HDC: variants seen among roughly 807,000 people sequenced by gnomAD.
HDC encodes histidine decarboxylase.
In HDC, 27 loss-of-function variants were observed where a neutral mutation model predicts 64.4. That is an observed-to-expected ratio of 0.42 (90% CI 0.31 to 0.58). HDC has a LOEUF of 0.58. Among genes scored for constraint, HDC ranks in the 20% least tolerant of loss-of-function variants. HDC has a pLI of 0.16. For synonymous variants in HDC, 305 were observed against 314.2 expected (o/e 0.97, Z 0.31); for missense variants, 711 against 833.9 (o/e 0.85, Z 1.81).
intron 1 of HDC, among the ~76,000 whole-genome samples, chr15:50,265,267 A>G (rs1223878641): frequency 6.6e-6 from 1 of 152,208 alleles, no homozygotes; most frequent in East Asian, 1.9e-4. Context: ...ATTTCAGAAT[A>G]TGAACAATCC....
intron 2 of HDC, 140 bp from the exon 3 acceptor site, chr15:50,258,657 C>T: frequency 2.9e-6 from 2 of 691,136 alleles, no homozygotes; most frequent in Non-Finnish European, 2.7e-6. Context: ...TGACATAACT[C>T]CATGAAAATC....
intron 2 of HDC, among the ~76,000 whole-genome samples, chr15:50,261,623 CAAAAAAAAA>C (rs11418562): frequency 5.3e-5 from 5 of 95,060 alleles, no homozygotes; most frequent in African/African-American, 1.3e-4. Flanking sequence ...TCTATTGCTT[CAAAAAAAAA>C]AAAAAAAAAA....
At chr15:50,246,393 G>A (rs1257430798) in intron 10 of HDC, among the ~76,000 whole-genome samples, 1 of 152,166 alleles carries the variant, frequency 6.6e-6, no homozygotes, top group African/African-American at 2.4e-5. Context: ...TGTTTGAGTA[G>A]GTGATCACAG....
At chr15:50,263,467 C>T (rs2045731440) in intron 1 of HDC, 60 bp from the exon 2 acceptor site, 1 of 1,529,982 alleles carries the variant, frequency 6.5e-7, no homozygotes. Context: ...CCGATTTGTG[C>T]CCATCCCTCT....
At chr15:50,253,263 A>G in intron 7 of HDC, 1 of 403,958 alleles carries the variant, frequency 2.5e-6, no homozygotes, top group Admixed American at 3.6e-5. Flanking sequence ...AAGCATTTCT[A>G]TTCTAGCCTA....
chr15:50,257,607 A>G, intron 3 of HDC, 60 bp from the exon 4 acceptor site: 10 of 1,601,354 alleles, frequency 6.2e-6, no homozygotes, highest in Non-Finnish European at 8.5e-6. Flanking sequence ...TGCCCCCACG[A>G]GCTCCAGAAA....
At chr15:50,254,399 T>C in intron 5 of HDC, 126 bp from the exon 6 acceptor site, 2 of 1,527,014 alleles carry the variant, frequency 1.3e-6, no homozygotes, top group African/African-American at 1.4e-5. Flanking sequence ...CTACAGTTGC[T>C]GGAGACAAGC....
rs767123095 is a variant in HDC, at chr15:50,242,239, C to T, written c.*21G>A. The T allele has an allele frequency of 1.2e-6, 2 of 1,607,322 alleles. No individual in the cohort carries two copies. The highest frequency in any genetic ancestry group is 8.5e-7 in the Non-Finnish European group (1 of 1,173,880). ...AGAGTCCCTGAAGTATATCCTCAGA[C>T]TCTGGCTGAAGGCCCTGTGTCTAAA... On this transcript the variant is annotated 3_prime_UTR_variant, in exon 12 of 12. Coordinates refer to ENST00000267845, the MANE Select transcript of HDC (RefSeq NM_002112.4).
chr15:50,264,915 A>G (rs185703375), intron 1 of HDC, among the ~76,000 whole-genome samples: 5 of 152,370 alleles, frequency 3.3e-5, no homozygotes, highest in African/African-American at 9.6e-5. Flanking sequence ...CACTCAGAAG[A>G]TAAATATCCA....
At position 50,254,211 on chromosome 15, in the gene HDC, C is replaced by G; in HGVS notation, c.639G>C (p.Val213=). The change falls in exon 6 of 12, where the codon GTG becomes GTC. Residue 213 remains valine, a synonymous_variant. Coordinates refer to ENST00000267845, the MANE Select transcript of HDC (RefSeq NM_002112.4). ...ISLVKMKFLP[V]DDNFSLRGEA... ...CCCCTCGGAGTGAGAAGTTGTCATC[C>G]ACAGGCAGAAATTTCATCTTCACAA... is the stretch of plus-strand genomic sequence containing the variant. The G allele has an allele frequency of 6.2e-7, 1 of 1,614,182 alleles. No individual in the cohort carries two copies.
At position 50,261,623 on chromosome 15, in the gene HDC, CA is replaced by C. The variant is rs11418562; in HGVS notation, c.204+1611del. On this transcript the variant is annotated intron_variant, in intron 2 of 11. Coordinates refer to ENST00000267845, the MANE Select transcript of HDC (RefSeq NM_002112.4). ...TAGCAAGACCTTGTCTCTATTGCTT[CA>C]AAAAAAAAAAAAAAAAAAAGTCAAA... is the stretch of plus-strand genomic sequence containing the variant. 3.8e-3 allele frequency among the ~76,000 whole-genome samples: 361 copies of C among 95,054 alleles called. 1 individual carries two copies. Among genetic ancestry groups the C allele is most frequent in the Middle Eastern group, 0.02 (3 of 152 alleles). The allele number at this position is 95,054 out of a possible 152,430, so 62.4% of individuals were successfully genotyped here.
intron 4 of HDC, among the ~76,000 whole-genome samples, chr15:50,256,490 G>A (rs958745458): frequency 5.9e-5 from 9 of 152,218 alleles, no homozygotes; most frequent in African/African-American, 2.2e-4. Flanking sequence ...CTGGGCTCAA[G>A]CAATCCTCCT....
At position 50,242,651 on chromosome 15, in the gene HDC, G is replaced by A. The variant is rs1434866027; in HGVS notation, c.1598C>T (p.Pro533Leu). 1 of 1,614,012 alleles carries A rather than the reference G, an allele frequency of 6.2e-7. No individual in the cohort carries two copies. Among genetic ancestry groups the A allele is most frequent in the Non-Finnish European group, 8.5e-7 (1 of 1,180,036 alleles). Reference sequence around the variant, plus strand: ...ATGGAGGCCATTTTCCCTTTTCATGGGACCGGCTCCCACACGCTGAGGCTG... The same window carrying A: ...ATGGAGGCCATTTTCCCTTTTCATGAGACCGGCTCCCACACGCTGAGGCTG... ...IKQPQRVGAG[P>L]MKRENGLHLE... Residue 533 changes from proline (P) to leucine (L), a missense_variant, in exon 12 of 12, where the codon CCC becomes CTC. By Grantham distance (98) the Pro-to-Leu change is moderately conservative. This residue lies in a region of HDC where 483 missense variants were observed against 540.9 expected (regional missense o/e 0.89). Transcript: ENST00000267845.
intron 9 of HDC, among the ~76,000 whole-genome samples, chr15:50,250,481 T>C (rs1300298722): frequency 6.6e-6 from 1 of 152,188 alleles, no homozygotes. Flanking sequence ...CTAACATTTT[T>C]ATGAGTTATC....
chr15:50,242,860 G>A lies in HDC; in HGVS notation c.1389C>T (p.Asp463=). Residue 463 remains aspartate, a synonymous_variant, in exon 12 of 12, where the codon GAC becomes GAT. Coordinates refer to ENST00000267845, the MANE Select transcript of HDC (RefSeq NM_002112.4). ...TGGCAGCATCTCGAATGAGATTCCAGTCTCTCAGGATGTCATCCCTAGTGG... is the reference window on the plus strand; with the variant it reads ...TGGCAGCATCTCGAATGAGATTCCAATCTCTCAGGATGTCATCCCTAGTGG... ...QFTTRDDILR[D]WNLIRDAATL... 2 of 1,613,986 alleles carry A rather than the reference G, an allele frequency of 1.2e-6. No homozygotes were observed. The highest frequency in any genetic ancestry group is 1.7e-6 in the Non-Finnish European group (2 of 1,179,862).
rs761862688 is a variant in HDC at position 50,245,471 on chromosome 15, G to A, written c.1141-2227C>T. 4.5e-4 allele frequency among the ~76,000 whole-genome samples: 68 copies of A among 152,122 alleles called. 1 individual carries two copies. Among genetic ancestry groups the A allele is most frequent in the Admixed American group, 3.3e-3 (50 of 15,274 alleles). ...TGAAGAAGGAGATGATGAAGAAGGG[G>A]AAGAAGAGAAGAGGAAGAGGTACTC... is the stretch of plus-strand genomic sequence containing the variant. On this transcript the variant is annotated intron_variant, in intron 10 of 11. Transcript: ENST00000267845.
chr15:50,252,913 G>A, intron 7 of HDC, 139 bp from the exon 8 acceptor site: 2 of 800,032 alleles, frequency 2.5e-6, no homozygotes, highest in Non-Finnish European at 4.0e-6. Flanking sequence ...GGAGATGGGA[G>A]CAGGTGGAGT....
rs1231306982 is a variant in HDC, at chr15:50,242,166, A to G, written c.*94T>C. On this transcript the variant is annotated 3_prime_UTR_variant, in exon 12 of 12. Coordinates refer to ENST00000267845, the MANE Select transcript of HDC (RefSeq NM_002112.4). ...TATGAACTCGCCCCAAGAAAAATGC[A>G]TGTACACATAAGCACACAAAGTTGG... 33 of 1,038,120 alleles carry G rather than the reference A, an allele frequency of 3.2e-5. No homozygotes were observed. The highest frequency in any genetic ancestry group is 7.9e-5 in the African/African-American group (5 of 63,144). 64.3% of individuals were successfully genotyped at this position (1,038,120 alleles called of 1,614,324 possible).
At chr15:50,250,921 A>C (rs1013200907) in intron 9 of HDC, among the ~76,000 whole-genome samples, 3 of 152,204 alleles carry the variant, frequency 2.0e-5, no homozygotes, top group Non-Finnish European at 4.4e-5. Context: ...GACTGGTCCA[A>C]GGGAGAATAG....
Sources: gnomAD v4.1 joint callset for allele counts (sites outside exome capture counted in the v4.1 genomes callset) on GRCh38, gnomAD v4.1.1 for gene constraint, gnomAD v4.1.1 regional missense constraint, MANE v1.5 for transcripts, NCBI Gene and HGNC (gene_info 2026-07-23, HGNC 2026-07-21) for gene names.